Variants in ADAM7 observed in about 807,000 individuals in gnomAD.
ADAM7 encodes the protein disintegrin and metalloproteinase domain-containing protein 7.
ADAM7 carries 97 observed loss-of-function variants against 102.9 expected under a neutral mutation model. The ratio of observed to expected loss-of-function variants is 0.94; its 90% confidence interval spans 0.80 to 1.12. ADAM7 has a LOEUF of 1.12. Ranked by LOEUF, ADAM7 falls within the 50% of genes most tolerant of loss-of-function variation. The probability of loss-of-function intolerance (pLI) is 0.00; values close to 1 mark genes in which losing one functional copy is unlikely to be tolerated. For synonymous variants in ADAM7, 334 were observed against 304.4 expected, an observed-to-expected ratio of 1.10 and a Z score of -1.01; for missense variants, 991 against 908.7, an observed-to-expected ratio of 1.09 and a Z score of -1.16.
chr8:24,480,736 C>T (rs7844116), intron 8 of ADAM7, among the ~76,000 whole-genome samples: 104,786 of 151,750 alleles, frequency 0.69, 36,778 homozygotes, highest in Middle Eastern at 0.74. Context: ...TAAAGTTTAC[C>T]ATACATTAAG....
At chr8:24,470,565 T>C (rs1269639683) in intron 7 of ADAM7, among the ~76,000 whole-genome samples, 2 of 152,060 alleles carry the variant, frequency 1.3e-5, no homozygotes. Context: ...AACAATGTTT[T>C]GGTCAACAAT....
At chr8:24,473,105 C>T (rs1254329459) in intron 7 of ADAM7, among the ~76,000 whole-genome samples, 3 of 152,044 alleles carry the variant, frequency 2.0e-5, no homozygotes, top group East Asian at 1.9e-4. Context: ...GCCTCAGATT[C>T]GTTTAGTGGC....
chr8:24,489,396 G>T (rs1820258483), intron 12 of ADAM7, 63 bp downstream of exon 12: 2 of 1,461,660 alleles, frequency 1.4e-6, no homozygotes, highest in Admixed American at 4.6e-5. Context: ...CCTAGGCAGG[G>T]ATGTGGCCAT....
intron 7 of ADAM7, among the ~76,000 whole-genome samples, chr8:24,469,305 C>A (rs1819529999): frequency 6.6e-6 from 1 of 152,138 alleles, no homozygotes; most frequent in African/African-American, 2.4e-5. Flanking sequence ...CCATAAAGGG[C>A]TGCCCATCTC....
chr8:24,441,802 G>C (rs762043029), intron 1 of ADAM7, among the ~76,000 whole-genome samples: 10 of 152,184 alleles, frequency 6.6e-5, no homozygotes, highest in Non-Finnish European at 1.2e-4. Context: ...ACCAAATTCA[G>C]TAATTTACAT....
intron 7 of ADAM7, among the ~76,000 whole-genome samples, chr8:24,473,149 C>A (rs1162246129): frequency 1.3e-5 from 2 of 152,068 alleles, no homozygotes; most frequent in African/African-American, 4.8e-5. Flanking sequence ...AACAAACAAC[C>A]TTTGTTTAAC....
chr8:24,504,970 A>ATT (rs543216242), intron 20 of ADAM7, among the ~76,000 whole-genome samples: 1 of 152,008 alleles, frequency 6.6e-6, no homozygotes, highest in Non-Finnish European at 1.5e-5. Flanking sequence ...ACAACGTGTG[A>ATT]TTTTTTTTAA....
At position 24,507,468 on chromosome 8, in the gene ADAM7, T is replaced by A; in HGVS notation, c.2209-12T>A. The A allele has an allele frequency of 6.2e-7, 1 of 1,606,550 alleles. No individual in the cohort carries two copies. Among genetic ancestry groups the A allele is most frequent in the Non-Finnish European group, 8.5e-7 (1 of 1,173,502 alleles). ...ATGTGGCACATGATACAACATAATTTATTTATTATAGAAACCTGCAAGTAA... is the reference window on the plus strand; with the variant it reads ...ATGTGGCACATGATACAACATAATTAATTTATTATAGAAACCTGCAAGTAA... On this transcript the variant is annotated splice_polypyrimidine_tract_variant and intron_variant, in intron 20 of 21. Transcript: ENST00000175238.
At chr8:24,468,716 A>G (rs748028288) in intron 6 of ADAM7, 51 bp from the exon 7 acceptor site, 1 of 1,527,430 alleles carries the variant, frequency 6.5e-7, no homozygotes, top group Non-Finnish European at 9.1e-7. Flanking sequence ...TTAAAGGGTT[A>G]AGATAGAAAG....
At chr8:24,446,923 A>C (rs1818581390) in intron 2 of ADAM7, among the ~76,000 whole-genome samples, 1 of 149,328 alleles carries the variant, frequency 6.7e-6, no homozygotes, top group South Asian at 2.1e-4. Flanking sequence ...TATAAACTAT[A>C]ATATAAAAGA....
chr8:24,487,212 T>A lies in ADAM7; in HGVS notation c.986T>A (p.Ile329Asn), dbSNP rs781525076. 3 of 1,613,684 alleles carry A rather than the reference T, an allele frequency of 1.9e-6. No homozygotes were observed. Among genetic ancestry groups the A allele is most frequent in the Non-Finnish European group, 2.5e-6 (3 of 1,179,802 alleles). The change falls in exon 11 of 22, where the codon ATT becomes AAT. Residue 329 changes from isoleucine (I) to asparagine (N), a missense_variant. Ile to Asn is a moderately radical substitution (Grantham distance 149, BLOSUM62 -3). Transcript: ENST00000175238. ...GATCTTTTACCTGACACAAACATAA[T>A]TGCAAACAGAATGGCACATCAACTG... is the stretch of plus-strand genomic sequence containing the variant. ...IKDLLPDTNIIANRMAHQLGH... is the reference protein window; with the variant it reads ...IKDLLPDTNINANRMAHQLGH...
intron 3 of ADAM7, among the ~76,000 whole-genome samples, chr8:24,455,593 A>G (rs1331464837): frequency 2.0e-5 from 3 of 152,172 alleles, no homozygotes; most frequent in African/African-American, 4.8e-5. Context: ...GTTTGCAGAG[A>G]TGGTGTTTCA....
In ADAM7 at chr8:24,467,255, C is replaced by T. The variant is rs921995096; in HGVS notation, c.579+267C>T. On this transcript the variant is annotated intron_variant, in intron 6 of 21. Coordinates refer to ENST00000175238, the MANE Select transcript of ADAM7 (RefSeq NM_003817.4). ...ATTGGGGCTATGAGTAGTTGGAAAT[C>T]ATGAAATTTTCAATGTCCTAAAACC... The T allele has an allele frequency of 1.7e-5, 8 of 484,386 alleles. No individual in the cohort carries two copies. In the Admixed American group the frequency reaches 2.7e-4, roughly 16 times the overall value. The allele number at this position is 484,386 out of a possible 1,614,324, so 30.0% of individuals were successfully genotyped here.
intron 20 of ADAM7, among the ~76,000 whole-genome samples, chr8:24,505,413 T>C (rs1485774868): frequency 2.0e-5 from 3 of 152,184 alleles, no homozygotes; most frequent in African/African-American, 7.2e-5. Context: ...TGATGGTATA[T>C]ACACCATGAT....
At chr8:24,476,945 T>C (rs994248084) in intron 8 of ADAM7, among the ~76,000 whole-genome samples, 3 of 152,154 alleles carry the variant, frequency 2.0e-5, no homozygotes, top group African/African-American at 7.2e-5. Context: ...TAGAATGAGG[T>C]ATATAACCCT....
At chr8:24,446,230 G>T (rs1209722620) in intron 2 of ADAM7, among the ~76,000 whole-genome samples, 2 of 152,076 alleles carry the variant, frequency 1.3e-5, no homozygotes, top group African/African-American at 4.8e-5. Flanking sequence ...ACTGGTGAAA[G>T]GGCATGAATC....
At chr8:24,489,064 T>C in intron 11 of ADAM7, 95 bp from the exon 12 acceptor site, 1 of 1,171,858 alleles carries the variant, frequency 8.5e-7, no homozygotes, top group Non-Finnish European at 1.2e-6. Context: ...ACATTTACAT[T>C]TGTTCTTTTC....
In ADAM7 at chr8:24,509,354, T is replaced by C. The variant is rs982109429; in HGVS notation, c.*808T>C. ...CTCTGCCCTCTCCCTATCCGTTTGTTATGGGATGGGGGATTACCCTGGGAA... is the reference window on the plus strand; with the variant it reads ...CTCTGCCCTCTCCCTATCCGTTTGTCATGGGATGGGGGATTACCCTGGGAA... On this transcript the variant is annotated 3_prime_UTR_variant, in exon 22 of 22. Coordinates refer to ENST00000175238, the MANE Select transcript of ADAM7 (RefSeq NM_003817.4). 24 of 985,236 alleles carry C rather than the reference T, an allele frequency of 2.4e-5. No individual in the cohort carries two copies. The highest frequency in any genetic ancestry group is 3.5e-5 in the African/African-American group (2 of 57,226). The allele number at this position is 985,236 out of a possible 1,614,324, so 61.0% of individuals were successfully genotyped here.
intron 3 of ADAM7, among the ~76,000 whole-genome samples, chr8:24,459,425 T>C (rs183581590): frequency 6.6e-6 from 1 of 152,074 alleles, no homozygotes; most frequent in Non-Finnish European, 1.5e-5. Flanking sequence ...GGGCTATCAA[T>C]TGTCGACCTT....
Sources: gnomAD v4.1 joint callset for allele counts (sites outside exome capture counted in the v4.1 genomes callset) on GRCh38, gnomAD v4.1.1 for gene constraint, MANE v1.5 for transcripts, NCBI Gene and HGNC (gene_info 2026-07-23, HGNC 2026-07-21) for gene names.